ANO4: variants seen among roughly 807,000 people sequenced by gnomAD.
The protein encoded by ANO4 is anoctamin 4.
ANO4 carries 69 observed loss-of-function variants against 141.9 expected under a neutral mutation model. The observed-to-expected ratio is 0.49, with a 90% CI of 0.40 to 0.59. The LOEUF (loss-of-function observed/expected upper bound fraction) is 0.59. Ranked by LOEUF, ANO4 falls within the 20% of genes least tolerant of loss-of-function variation. The pLI is 0.00. For synonymous variants in ANO4, 350 were observed against 394.3 expected, an observed-to-expected ratio of 0.89 and a Z score of 1.33; for missense variants, 894 against 1,162.2, an observed-to-expected ratio of 0.77 and a Z score of 3.36.
intron 1 of ANO4, among the ~76,000 whole-genome samples, chr12:100,896,366 G>A (rs1383149901): frequency 6.6e-6 from 1 of 151,636 alleles, no homozygotes; most frequent in Non-Finnish European, 1.5e-5. Context: ...TTGGAGTGAT[G>A]TTGTCACAAG....
Position 100,809,408 on chromosome 12 carries a change from G to A in ANO4, c.-141+14381G>A, listed in dbSNP as rs1001789534. 8.0e-5 allele frequency among the ~76,000 whole-genome samples: 12 copies of A among 150,690 alleles called. No homozygotes were observed. The South Asian group carries it at 8.4e-4, about 11-fold the overall frequency. On this transcript the variant is annotated intron_variant, in intron 1 of 27. Coordinates refer to ENST00000392977, the MANE Select transcript of ANO4 (RefSeq NM_001286615.2). ...TCTCAAAAAAAAAAAAAAGGGTAATGTGCTTTCATGAAAATATGTGCAAGG... is the reference window on the plus strand; with the variant it reads ...TCTCAAAAAAAAAAAAAAGGGTAATATGCTTTCATGAAAATATGTGCAAGG...
chr12:100,928,406 A>G lies in ANO4; in HGVS notation c.160+6076A>G, dbSNP rs369400783. ...CTGCCACCTTTGTCTTTATTCCTCA[A>G]TCATTCATTCTGTCTGGGAAATTGT... is the stretch of plus-strand genomic sequence containing the variant. On this transcript the variant is annotated intron_variant, in intron 3 of 27. Transcript: ENST00000392977. Among the ~76,000 whole-genome samples, 57 of 152,246 alleles carry G rather than the reference A, an allele frequency of 3.7e-4. 1 individual carries two copies. Among genetic ancestry groups the G allele is most frequent in the African/African-American group, 1.3e-3 (56 of 41,564 alleles).
chr12:100,961,504 C>T (rs1237050713), intron 5 of ANO4, among the ~76,000 whole-genome samples: 1 of 152,122 alleles, frequency 6.6e-6, no homozygotes. Flanking sequence ...AGCTGACCTG[C>T]AGTAGACATG....
intron 8 of ANO4, among the ~76,000 whole-genome samples, chr12:101,014,550 C>G (rs376853307): frequency 6.6e-6 from 1 of 152,176 alleles, no homozygotes; most frequent in Admixed American, 6.5e-5. Flanking sequence ...ACAGGCAGAC[C>G]TGGGCCCCTC....
At chr12:101,031,139 G>GCC (rs2046958328) in intron 9 of ANO4, among the ~76,000 whole-genome samples, 2 of 152,132 alleles carry the variant, frequency 1.3e-5, no homozygotes, top group Admixed American at 6.5e-5. Flanking sequence ...AAAAAATAGA[G>GCC]AATTTCAGGC....
At chr12:100,951,103 G>T (rs1338107051) in intron 5 of ANO4, among the ~76,000 whole-genome samples, 1 of 152,172 alleles carries the variant, frequency 6.6e-6, no homozygotes, top group African/African-American at 2.4e-5. Context: ...CTAATCATTA[G>T]AGAAATGTAA....
intron 8 of ANO4, among the ~76,000 whole-genome samples, chr12:100,991,513 TAAAAAAAA>T (rs59975425): frequency 9.0e-6 from 1 of 111,174 alleles, no homozygotes; most frequent in Non-Finnish European, 1.8e-5. Flanking sequence ...ATGAAAATAG[TAAAAAAAA>T]AAAAAAAAAA....
rs145379558 is a variant in ANO4, at chr12:101,034,568, T to G, written c.842-2527T>G. 7.9e-3 allele frequency among the ~76,000 whole-genome samples: 1,200 copies of G among 151,932 alleles called. 23 individuals carry two copies. Among genetic ancestry groups the G allele is most frequent in the African/African-American group, 0.027 (1,112 of 41,394 alleles). On this transcript the variant is annotated intron_variant, in intron 9 of 27. Coordinates refer to ENST00000392977, the MANE Select transcript of ANO4 (RefSeq NM_001286615.2). ...CCACCATGGCACACGTATACCTATG[T>G]AACAAACCTGCACATCTGCACATGT...
chr12:100,985,336 G>GA (rs986926756), intron 7 of ANO4, among the ~76,000 whole-genome samples: 18 of 152,110 alleles, frequency 1.2e-4, no homozygotes, highest in African/African-American at 3.6e-4. Flanking sequence ...TTTATTTTTG[G>GA]AAAAAAGAGA....
intron 2 of ANO4, among the ~76,000 whole-genome samples, chr12:100,912,170 C>T (rs562540411): frequency 6.6e-5 from 10 of 151,814 alleles, no homozygotes; most frequent in South Asian, 2.1e-4. Context: ...CTGAGGTGGG[C>T]GGATCACCTG....
intron 1 of ANO4, among the ~76,000 whole-genome samples, chr12:100,727,556 C>A (rs1164576541): frequency 1.3e-5 from 2 of 151,892 alleles, no homozygotes; most frequent in East Asian, 3.9e-4. Context: ...CATTTGTGTC[C>A]TTAGGTTTTA....
intron 14 of ANO4, among the ~76,000 whole-genome samples, chr12:101,061,230 G>A (rs1316458640): frequency 6.6e-6 from 1 of 152,022 alleles, no homozygotes. Context: ...TGGCTTGTAG[G>A]GTTTCTGCAG....
At chr12:101,061,696 T>G (rs935102854) in intron 14 of ANO4, among the ~76,000 whole-genome samples, 7 of 151,950 alleles carry the variant, frequency 4.6e-5, no homozygotes, top group African/African-American at 1.7e-4. Context: ...TTGTATATGC[T>G]TCACAAAGTT....
chr12:101,116,599 C>A, intron 24 of ANO4, 80 bp from the exon 25 acceptor site: 1 of 1,600,766 alleles, frequency 6.2e-7, no homozygotes, highest in Non-Finnish European at 8.5e-7. Context: ...GCAGTGACGT[C>A]TGGGAAGCAG....
intron 26 of ANO4, 86 bp downstream of exon 26, chr12:101,120,711 T>C (rs1413624086): frequency 9.9e-7 from 1 of 1,013,290 alleles, no homozygotes; most frequent in Non-Finnish European, 1.5e-6. Flanking sequence ...ATGGGGATTT[T>C]GAATGTGATT....
intron 8 of ANO4, among the ~76,000 whole-genome samples, chr12:101,017,507 A>C (rs1356342091): frequency 6.6e-6 from 1 of 152,008 alleles, no homozygotes; most frequent in African/African-American, 2.4e-5. Flanking sequence ...GCCTGAGCTG[A>C]GATTTGGAAA....
chr12:100,996,893 C>T (rs61944892), intron 8 of ANO4, among the ~76,000 whole-genome samples: 1 of 123,960 alleles, frequency 8.1e-6, no homozygotes, highest in Non-Finnish European at 1.7e-5. Flanking sequence ...TGATAGCAAC[C>T]ACTGTTTACT....
At chr12:100,995,006 C>A (rs1019419040) in intron 8 of ANO4, among the ~76,000 whole-genome samples, 1 of 152,014 alleles carries the variant, frequency 6.6e-6, no homozygotes, top group Non-Finnish European at 1.5e-5. Flanking sequence ...CTCCCCACAA[C>A]AAAAAATTAT....
At chr12:101,098,762 T>TC (rs1366757257) in intron 21 of ANO4, among the ~76,000 whole-genome samples, 2 of 152,218 alleles carry the variant, frequency 1.3e-5, no homozygotes, top group Non-Finnish European at 2.9e-5. Flanking sequence ...GTCATAGACA[T>TC]CAAGAGAATT....
Sources: allele counts gnomAD v4.1 joint callset (sites outside exome capture counted in the v4.1 genomes callset), GRCh38; gene constraint gnomAD v4.1.1; transcripts MANE v1.5; gene names NCBI Gene and HGNC (gene_info 2026-07-23, HGNC 2026-07-21).